PLBD1: variants seen among roughly 807,000 people sequenced by gnomAD.
PLBD1 encodes the protein phospholipase B domain containing 1.
In PLBD1, 60 loss-of-function variants were observed where a neutral mutation model predicts 63.0. The observed-to-expected ratio is 0.95, with a 90% CI of 0.77 to 1.18. The LOEUF is 1.18. Ranked by LOEUF, PLBD1 falls within the 50% of genes most tolerant of loss-of-function variation. The probability of loss-of-function intolerance (pLI) is 0.00; values close to 1 mark genes in which losing one functional copy is unlikely to be tolerated. For missense variants in PLBD1, 598 were observed against 677.9 expected, an observed-to-expected ratio of 0.88 and a Z score of 1.31; for synonymous variants, 262 against 248.0, an observed-to-expected ratio of 1.06 and a Z score of -0.53.
intron 6 of PLBD1, among the ~76,000 whole-genome samples, chr12:14,528,269 AC>A (rs1472549730): frequency 4.6e-5 from 7 of 152,292 alleles, no homozygotes; most frequent in Non-Finnish European, 1.0e-4. Context: ...ACTCAGAAGT[AC>A]TAGAATTTAC....
In PLBD1 at chr12:14,553,796, C is replaced by T. The variant is rs192887264; in HGVS notation, c.116-384G>A. 13 of 241,796 alleles carry T rather than the reference C, an allele frequency of 5.4e-5. No individual in the cohort carries two copies. The East Asian group carries it at 1.1e-3, about 20-fold the overall frequency. The allele number at this position is 241,796 out of a possible 1,614,324, so 15.0% of individuals were successfully genotyped here. Reference sequence around the variant, plus strand: ...TAGTTGTATACCCTTGACTGAAGACCGATCCTCCTCTATCAGGGATGATCG... The same window carrying T: ...TAGTTGTATACCCTTGACTGAAGACTGATCCTCCTCTATCAGGGATGATCG... On this transcript the variant is annotated intron_variant, in intron 1 of 10. Transcript: ENST00000240617.
chr12:14,507,762 A>G (rs1457351948), intron 8 of PLBD1, among the ~76,000 whole-genome samples: 3 of 152,222 alleles, frequency 2.0e-5, no homozygotes. Context: ...TTGACTCTAA[A>G]CATTTATAAA....
chr12:14,525,883 T>C (rs1026573835), intron 6 of PLBD1, among the ~76,000 whole-genome samples: 3 of 152,184 alleles, frequency 2.0e-5, no homozygotes, highest in Admixed American at 1.3e-4. Context: ...TAAGTTCCTA[T>C]ATATTTTTTA....
At chr12:14,528,831 T>A (rs1356331498) in intron 6 of PLBD1, among the ~76,000 whole-genome samples, 1 of 152,092 alleles carries the variant, frequency 6.6e-6, no homozygotes, top group African/African-American at 2.4e-5. Context: ...AAAAACATTA[T>A]AAATAGCTTC....
intron 4 of PLBD1, among the ~76,000 whole-genome samples, chr12:14,539,443 T>G (rs1278261434): frequency 6.6e-6 from 1 of 151,782 alleles, no homozygotes; most frequent in Non-Finnish European, 1.5e-5. Flanking sequence ...TATATATTTT[T>G]AAGATATATT....
intron 1 of PLBD1, among the ~76,000 whole-genome samples, chr12:14,567,009 C>G: frequency 6.6e-6 from 1 of 151,978 alleles, no homozygotes; most frequent in Non-Finnish European, 1.5e-5. Flanking sequence ...GGAGGAGAAT[C>G]GCTTGAACCC....
chr12:14,523,091 C>T (rs945193634), intron 6 of PLBD1, among the ~76,000 whole-genome samples: 4 of 152,006 alleles, frequency 2.6e-5, no homozygotes, highest in African/African-American at 9.7e-5. Context: ...ATGACATAAT[C>T]TTATACAGGG....
chr12:14,541,966 C>A (rs908482230), intron 3 of PLBD1, among the ~76,000 whole-genome samples: 1 of 152,112 alleles, frequency 6.6e-6, no homozygotes, highest in Non-Finnish European at 1.5e-5. Flanking sequence ...TTCCTCTAAC[C>A]GTGTTAGCAA....
intron 8 of PLBD1, among the ~76,000 whole-genome samples, chr12:14,508,459 A>G (rs919543977): frequency 6.6e-6 from 1 of 152,220 alleles, no homozygotes; most frequent in Non-Finnish European, 1.5e-5. Flanking sequence ...CATTTCATGA[A>G]GCTTCGTGAT....
chr12:14,542,997 T>C (rs925050640), intron 2 of PLBD1, among the ~76,000 whole-genome samples: 6 of 152,154 alleles, frequency 3.9e-5, no homozygotes, highest in African/African-American at 1.4e-4. Context: ...CAGCGATTCT[T>C]TATTTTAAAA....
intron 2 of PLBD1, among the ~76,000 whole-genome samples, chr12:14,545,488 T>G (rs1415573135): frequency 1.3e-5 from 2 of 152,218 alleles, no homozygotes; most frequent in African/African-American, 2.4e-5. Context: ...TTTCTACATA[T>G]TTTCCCTATA....
chr12:14,536,785 C>A (rs1945520159), intron 4 of PLBD1, 75 bp from the exon 5 acceptor site: 1 of 1,558,366 alleles, frequency 6.4e-7, no homozygotes, highest in African/African-American at 1.4e-5. Context: ...TTGTTAGGGA[C>A]CCATTAAATT....
intron 6 of PLBD1, chr12:14,533,170 G>A (rs893009519): frequency 1.4e-4 from 21 of 152,198 alleles, no homozygotes; most frequent in Non-Finnish European, 7.3e-5. Context: ...GAGCTTCATC[G>A]TAAAGCATAG....
intron 4 of PLBD1, among the ~76,000 whole-genome samples, chr12:14,540,029 T>C (rs1945556262): frequency 2.4e-5 from 1 of 41,740 alleles, no homozygotes; most frequent in African/African-American, 6.3e-5. Flanking sequence ...TATATATATA[T>C]ATATATATAT....
At chr12:14,553,495 G>A (rs1233789231) in intron 1 of PLBD1, 83 bp from the exon 2 acceptor site, 2 of 1,081,864 alleles carry the variant, frequency 1.8e-6, no homozygotes, top group African/African-American at 1.6e-5. Context: ...ACAATTTCAA[G>A]ACGTTTGCTT....
At chr12:14,567,451 C>T in intron 1 of PLBD1, 131 bp downstream of exon 1, 3 of 1,270,058 alleles carry the variant, frequency 2.4e-6, no homozygotes, top group Non-Finnish European at 2.0e-6. Context: ...CGGCCGGAGG[C>T]GCGTTTCTCT....
chr12:14,524,360 C>T (rs2136913047), intron 6 of PLBD1, among the ~76,000 whole-genome samples: 1 of 152,172 alleles, frequency 6.6e-6, no homozygotes, highest in Admixed American at 6.5e-5. Flanking sequence ...ATTCTAAATA[C>T]CATGATTTGT....
In PLBD1 at chr12:14,553,180, C is replaced by G. The variant is rs557767868; in HGVS notation, c.335+13G>C. 8 of 1,598,784 alleles carry G rather than the reference C, an allele frequency of 5.0e-6. No homozygotes were observed. In the African/African-American group the frequency reaches 9.4e-5, roughly 19 times the overall value. On this transcript the variant is annotated intron_variant, in intron 2 of 10. Coordinates refer to ENST00000240617, the MANE Select transcript of PLBD1 (RefSeq NM_024829.6). ...TTGCCTGGCAGTGGCTCTACCATGA[C>G]TGGGATACTTACGGGGCAGTGAGGT...
At chr12:14,522,066 T>C (rs1001582801) in intron 6 of PLBD1, among the ~76,000 whole-genome samples, 1 of 152,026 alleles carries the variant, frequency 6.6e-6, no homozygotes, top group East Asian at 1.9e-4. Flanking sequence ...TGAAGACAGC[T>C]CTTTGCTTGA....
Sources: gnomAD v4.1 joint callset for allele counts (sites outside exome capture counted in the v4.1 genomes callset) on GRCh38, gnomAD v4.1.1 for gene constraint, MANE v1.5 for transcripts, NCBI Gene and HGNC (gene_info 2026-07-23, HGNC 2026-07-21) for gene names.